ATP9B: variants seen among roughly 807,000 people sequenced by gnomAD.
The protein encoded by ATP9B is probable phospholipid-transporting ATPase IIB.
A neutral mutation model predicts 146.1 loss-of-function variants in ATP9B; 110 were observed. That is an observed-to-expected ratio of 0.75 (90% CI 0.65 to 0.88). The LOEUF is 0.88. Ranked by LOEUF, ATP9B falls within the 40% of genes least tolerant of loss-of-function variation. The pLI is 0.00. For synonymous variants in ATP9B, 604 were observed against 569.7 expected, an observed-to-expected ratio of 1.06 and a Z score of -0.86; for missense variants, 1,499 against 1,496.4, an observed-to-expected ratio of 1.00 and a Z score of -0.03.
intron 4 of ATP9B, among the ~76,000 whole-genome samples, chr18:79,123,050 A>G (rs1346621016): frequency 6.6e-6 from 1 of 152,166 alleles, no homozygotes; most frequent in East Asian, 1.9e-4. Context: ...TGCTCCCACC[A>G]GTTCTGTTCA....
At chr18:79,196,205 T>G (rs1421447411) in intron 9 of ATP9B, among the ~76,000 whole-genome samples, 1 of 152,196 alleles carries the variant, frequency 6.6e-6, no homozygotes, top group Non-Finnish European at 1.5e-5. Context: ...CCTTCAAAAC[T>G]GTCCTGCAAG....
At chr18:79,122,237 TATCTC>T (rs1434998570) in intron 4 of ATP9B, among the ~76,000 whole-genome samples, 2 of 152,214 alleles carry the variant, frequency 1.3e-5, no homozygotes, top group Non-Finnish European at 1.5e-5. Flanking sequence ...TTCATTCTCT[TATCTC>T]AGTGAGTCAC....
Position 79,377,221 on chromosome 18 carries a change from C to A in ATP9B, c.3308-26C>A, listed in dbSNP as rs769636138. On this transcript the variant is annotated intron_variant, in intron 29 of 29. Transcript: ENST00000426216. Reference sequence around the variant, plus strand: ...CCCAGGACTTCTTGGTCAGCTCTTACCTTTTTCTCTGTTTCCTGCCAACAG... The same window carrying A: ...CCCAGGACTTCTTGGTCAGCTCTTAACTTTTTCTCTGTTTCCTGCCAACAG... 8.1e-6 allele frequency: 13 copies of A among 1,609,330 alleles called. No individual in the cohort carries two copies. In the Admixed American group the frequency reaches 1.0e-4, roughly 12 times the overall value.
intron 12 of ATP9B, chr18:79,255,370 C>G (rs1230830323): frequency 6.6e-6 from 1 of 152,358 alleles, no homozygotes; most frequent in Non-Finnish European, 1.5e-5. Context: ...CCTAAGCACT[C>G]ACTTTGATCC....
intron 8 of ATP9B, among the ~76,000 whole-genome samples, chr18:79,178,845 G>T (rs1347184486): frequency 2.0e-5 from 3 of 152,158 alleles, no homozygotes; most frequent in African/African-American, 7.2e-5. Flanking sequence ...AATGTCTTTA[G>T]TTTGATATCT....
chr18:79,112,612 A>G (rs2093994057), intron 3 of ATP9B, among the ~76,000 whole-genome samples: 1 of 152,062 alleles, frequency 6.6e-6, no homozygotes, highest in Non-Finnish European at 1.5e-5. Context: ...AACTTCTTAT[A>G]TTTTATCATT....
intron 13 of ATP9B, among the ~76,000 whole-genome samples, chr18:79,290,326 G>A (rs562928000): frequency 9.2e-5 from 14 of 152,274 alleles, no homozygotes; most frequent in African/African-American, 2.9e-4. Context: ...AATGGCGGGC[G>A]CCCCTCCCCC....
intron 13 of ATP9B, among the ~76,000 whole-genome samples, chr18:79,295,029 T>C (rs2096537309): frequency 6.6e-6 from 1 of 152,188 alleles, no homozygotes. Context: ...AAAATGACAT[T>C]TTCTGTGTGT....
chr18:79,341,964 T>C (rs2096861783), intron 19 of ATP9B, among the ~76,000 whole-genome samples: 2 of 152,232 alleles, frequency 1.3e-5, no homozygotes, highest in Non-Finnish European at 1.5e-5. Flanking sequence ...TCTCTGTGGA[T>C]TGGATGGCTC....
Position 79,253,696 on chromosome 18 carries a change from A to T in ATP9B, c.1268+155A>T. The T allele has an allele frequency of 3.7e-6, 3 of 807,186 alleles. No homozygotes were observed. In the East Asian group the frequency reaches 8.9e-5, roughly 24 times the overall value. The allele number at this position is 807,186 out of a possible 1,614,324, so 50.0% of individuals were successfully genotyped here. On this transcript the variant is annotated intron_variant, in intron 12 of 29. Transcript: ENST00000426216. The stretch of plus-strand genomic sequence containing the variant: ...AATCTTGAGGAATTCTTCTGTGGAA[A>T]TGTTGTTGGGGGAGACGTCATCAGT...
At chr18:79,125,748 AGTG>A (rs1426362655) in intron 4 of ATP9B, among the ~76,000 whole-genome samples, 1 of 152,224 alleles carries the variant, frequency 6.6e-6, no homozygotes, top group African/African-American at 2.4e-5. Context: ...TTACTTAAAA[AGTG>A]AGATGAAAGC....
chr18:79,197,351 T>C (rs953965489), intron 9 of ATP9B, among the ~76,000 whole-genome samples: 2 of 151,794 alleles, frequency 1.3e-5, no homozygotes, highest in Non-Finnish European at 2.9e-5. Flanking sequence ...AATCTTTATA[T>C]ATATATAGCA....
rs114988234 is a variant in ATP9B, at chr18:79,307,509, G to A, written c.1773+275G>A. On this transcript the variant is annotated intron_variant, in intron 15 of 29. Transcript: ENST00000426216. ...AGGGAACAGCATGAGAAATACCAGC[G>A]AGGTTTACTGATTCCGTAAAGTAAT... 4.9e-3 allele frequency: 2,009 copies of A among 407,136 alleles called. 39 individuals carry two copies. The highest frequency in any genetic ancestry group is 0.037 in the African/African-American group (1,852 of 49,912). The allele number at this position is 407,136 out of a possible 1,614,324, so 25.2% of individuals were successfully genotyped here. A position where few individuals can be genotyped will look rare whatever the true frequency, so the allele number is the denominator to read the frequency against.
At chr18:79,258,040 A>G (rs550823178) in intron 12 of ATP9B, among the ~76,000 whole-genome samples, 142 of 152,358 alleles carry the variant, frequency 9.3e-4, no homozygotes, top group African/African-American at 3.0e-3. Flanking sequence ...TAACATAGAA[A>G]GATTTGACCT....
At chr18:79,376,942 G>A (rs1381524316) in intron 29 of ATP9B, among the ~76,000 whole-genome samples, 1 of 152,042 alleles carries the variant, frequency 6.6e-6, no homozygotes, top group African/African-American at 2.4e-5. Flanking sequence ...CAAGTGATCC[G>A]TCTGCCTTGG....
At position 79,155,549 on chromosome 18, in the gene ATP9B, G is replaced by A. The variant is rs531039876; in HGVS notation, c.778+994G>A. Among the ~76,000 whole-genome samples, 24 of 152,000 alleles carry A rather than the reference G, an allele frequency of 1.6e-4. 1 individual carries two copies. The South Asian group carries it at 4.8e-3, about 30-fold the overall frequency. On this transcript the variant is annotated intron_variant, in intron 7 of 29. Transcript: ENST00000426216. ...TTTCTTTCTGCCCTACATTCCTGAC[G>A]TTATTTATAAATGAACAGTAGTTTT... is the stretch of plus-strand genomic sequence containing the variant.
intron 9 of ATP9B, chr18:79,194,528 G>A (rs1047581042): frequency 1.1e-4 from 17 of 152,360 alleles, no homozygotes; most frequent in African/African-American, 3.6e-4. Context: ...GACTAGAAAG[G>A]TATCAGTGGC....
chr18:79,119,725 G>A (rs779782623), intron 4 of ATP9B, among the ~76,000 whole-genome samples: 44 of 152,088 alleles, frequency 2.9e-4, no homozygotes, highest in Middle Eastern at 3.4e-3. Context: ...ATTTTCTTTC[G>A]TTCCTTGGTT....
intron 8 of ATP9B, among the ~76,000 whole-genome samples, chr18:79,178,507 T>C (rs527809918): frequency 4.6e-5 from 7 of 152,264 alleles, no homozygotes. Flanking sequence ...AGCTGCAGCT[T>C]GTTCAGGGAG....
Sources: allele counts gnomAD v4.1 joint callset (sites outside exome capture counted in the v4.1 genomes callset), GRCh38; gene constraint gnomAD v4.1.1; transcripts MANE v1.5; gene names NCBI Gene and HGNC (gene_info 2026-07-23, HGNC 2026-07-21).